The following RBFOX1 variants were observed in gnomAD, a reference collection of about 807,000 sequenced individuals.
RBFOX1 encodes the protein RNA binding fox-1 homolog 1.
In RBFOX1, 8 loss-of-function variants were observed where a neutral mutation model predicts 57.7. That is an observed-to-expected ratio of 0.14 (90% CI 0.08 to 0.25). The LOEUF (loss-of-function observed/expected upper bound fraction) is 0.25, where lower values mean the gene tolerates loss of function less well. Ranked by LOEUF, RBFOX1 falls within the 10% of genes least tolerant of loss-of-function variation. The pLI is 1.00. For missense variants in RBFOX1, 611 were observed against 548.5 expected (o/e 1.11, Z -1.14); for synonymous variants, 326 against 222.4 (o/e 1.47, Z -4.15).
intron 3 of RBFOX1, among the ~76,000 whole-genome samples, chr16:6,901,212 G>A (rs2068402708): frequency 6.6e-6 from 1 of 152,174 alleles, no homozygotes; most frequent in South Asian, 2.1e-4. Context: ...AGGAAGATAA[G>A]AAGAAAGAGA....
Position 7,251,520 on chromosome 16 carries a change from C to T in RBFOX1, c.27+199422C>T, listed in dbSNP as rs4426365. Among the ~76,000 whole-genome samples the T allele has an allele frequency of 1.2e-3, 185 of 150,122 alleles. 1 individual carries two copies. The highest frequency in any genetic ancestry group is 4.5e-3 in the African/African-American group (184 of 40,642). ...CTGCCTCGTGGGTTCAAGTGATTTT[C>T]CTGCCTCAGACTCCCAAGTAGCTGG... On this transcript the variant is annotated intron_variant, in intron 4 of 15. Transcript: ENST00000550418.
chr16:6,307,675 A>G (rs973037243), intron 1 of RBFOX1, among the ~76,000 whole-genome samples: 1 of 147,328 alleles, frequency 6.8e-6, no homozygotes, highest in Admixed American at 6.8e-5. Context: ...ATTAATATTT[A>G]TGTATTTTTA....
intron 4 of RBFOX1, among the ~76,000 whole-genome samples, chr16:7,063,687 T>G (rs2055178972): frequency 6.6e-6 from 1 of 151,878 alleles, no homozygotes; most frequent in Admixed American, 6.5e-5. Context: ...CCAACTGTGC[T>G]TCAAATATAT....
chr16:6,617,392 T>C (rs2098158960), intron 2 of RBFOX1, among the ~76,000 whole-genome samples: 2 of 151,972 alleles, frequency 1.3e-5, no homozygotes, highest in South Asian at 4.2e-4. Context: ...GATGTCCAGC[T>C]AGGAATTATG....
intron 2 of RBFOX1, among the ~76,000 whole-genome samples, chr16:5,521,278 G>C (rs2044002559): frequency 6.6e-6 from 1 of 151,418 alleles, no homozygotes; most frequent in African/African-American, 2.4e-5. Flanking sequence ...GCTTTCTCAA[G>C]GGAGGCCCCT....
intron 3 of RBFOX1, among the ~76,000 whole-genome samples, chr16:6,890,497 C>A (rs145168900): frequency 0.017 from 2,622 of 150,144 alleles, 78 homozygotes; most frequent in African/African-American, 0.06. Flanking sequence ...CCAGCCTGGG[C>A]AACAGAGCGA....
At chr16:6,654,770 C>G in intron 3 of RBFOX1, 120 bp downstream of exon 3, 2 of 670,330 alleles carry the variant, frequency 3.0e-6, no homozygotes, top group Admixed American at 3.9e-5. Context: ...CGGTCTATGA[C>G]ATATTTAAAG....
In RBFOX1 at chr16:7,395,869, T is replaced by C. The variant is rs528875000; in HGVS notation, c.28-122278T>C. Among the ~76,000 whole-genome samples, 11 of 152,338 alleles carry C rather than the reference T, an allele frequency of 7.2e-5. No individual in the cohort carries two copies. In the East Asian group the frequency reaches 1.9e-3, roughly 27 times the overall value. ...TGCCACATCCTTCAGATTAATTGAC[T>C]GGCATGGTTACATAAATGTTTGTAA... On this transcript the variant is annotated intron_variant, in intron 4 of 15. Transcript: ENST00000550418.
chr16:6,262,704 G>T (rs1015957464), intron 1 of RBFOX1, among the ~76,000 whole-genome samples: 5 of 152,156 alleles, frequency 3.3e-5, no homozygotes, highest in African/African-American at 1.2e-4. Context: ...TTAAAGTTTA[G>T]GTGGGAAGAA....
chr16:5,784,093 G>A (rs1271181146), intron 3 of RBFOX1, among the ~76,000 whole-genome samples: 6 of 152,164 alleles, frequency 3.9e-5, no homozygotes, highest in East Asian at 1.9e-4. Context: ...TTCTAGGGAG[G>A]CCTCAGGAAA....
chr16:7,158,217 G>C (rs945649253), intron 4 of RBFOX1, among the ~76,000 whole-genome samples: 9 of 152,012 alleles, frequency 5.9e-5, no homozygotes, highest in Non-Finnish European at 1.2e-4. Flanking sequence ...GTGCCGGTGG[G>C]CTCCTGTAAT....
intron 3 of RBFOX1, among the ~76,000 whole-genome samples, chr16:5,815,008 A>T (rs1194360477): frequency 6.6e-6 from 1 of 150,680 alleles, no homozygotes; most frequent in Non-Finnish European, 1.5e-5. Flanking sequence ...TTTTTAAATG[A>T]GGTCTCACTC....
intron 3 of RBFOX1, among the ~76,000 whole-genome samples, chr16:5,781,289 C>A (rs567258253): frequency 6.6e-6 from 1 of 152,218 alleles, no homozygotes; most frequent in Admixed American, 6.5e-5. Flanking sequence ...TGCTTAGAAG[C>A]TTAAGGTTTA....
chr16:7,018,751 G>A (rs369346225), intron 3 of RBFOX1, among the ~76,000 whole-genome samples: 2 of 151,154 alleles, frequency 1.3e-5, no homozygotes, highest in African/African-American at 4.9e-5. Context: ...TAACAAACCT[G>A]CACGTTGTGC....
chr16:7,128,555 G>C (rs950040453), intron 4 of RBFOX1, among the ~76,000 whole-genome samples: 1 of 152,166 alleles, frequency 6.6e-6, no homozygotes, highest in African/African-American at 2.4e-5. Context: ...ACAGCAGTGA[G>C]CTGGCACAAT....
At chr16:7,362,051 T>C (rs1043940396) in intron 4 of RBFOX1, among the ~76,000 whole-genome samples, 2 of 151,318 alleles carry the variant, frequency 1.3e-5, no homozygotes, top group Admixed American at 1.3e-4. Context: ...TGTGTGTGTT[T>C]TGTGTATATG....
intron 1 of RBFOX1, among the ~76,000 whole-genome samples, chr16:6,149,675 G>A (rs2096784143): frequency 6.6e-6 from 1 of 152,174 alleles, no homozygotes; most frequent in Non-Finnish European, 1.5e-5. Flanking sequence ...TGGGCAAAAT[G>A]TAGAATACTG....
intron 3 of RBFOX1, among the ~76,000 whole-genome samples, chr16:6,972,913 C>T (rs913347927): frequency 6.6e-6 from 1 of 152,076 alleles, no homozygotes; most frequent in African/African-American, 2.4e-5. Flanking sequence ...CACTTGAGGT[C>T]AGGAGTTCGA....
Position 5,841,951 on chromosome 16 carries a change from C to T in RBFOX1, c.319-25352C>T, listed in dbSNP as rs147269673. ...CCACCAGGTCTTTGCTCTAGGTAGA[C>T]GTGGGCTGGTGGGCTGCCATCCTCG... is the stretch of plus-strand genomic sequence containing the variant. On this transcript the variant is annotated intron_variant, in intron 3 of 19. Coordinates refer to the RBFOX1 transcript ENST00000641259. Among the ~76,000 whole-genome samples the T allele has an allele frequency of 9.4e-3, 1,426 of 152,328 alleles. 25 individuals are homozygous for T. The highest frequency in any genetic ancestry group is 0.033 in the African/African-American group (1,364 of 41,570).
Sources: gnomAD v4.1 joint callset for allele counts (sites outside exome capture counted in the v4.1 genomes callset) on GRCh38, gnomAD v4.1.1 for gene constraint, MANE v1.5 for transcripts, NCBI Gene and HGNC (gene_info 2026-07-23, HGNC 2026-07-21) for gene names.